The following AKAP13 variants were observed in gnomAD, a reference collection of about 807,000 sequenced individuals.
AKAP13 encodes A-kinase anchor protein 13.
Under a neutral mutation model 264.5 loss-of-function variants are expected in AKAP13, and 80 were observed. That is an observed-to-expected ratio of 0.30 (90% CI 0.25 to 0.36). The LOEUF (loss-of-function observed/expected upper bound fraction) is 0.36, where lower values mean the gene tolerates loss of function less well. AKAP13 is among the 10% of genes least tolerant of loss of function. The pLI is 1.00. For missense variants in AKAP13, 3,712 were observed against 3,435.2 expected (o/e 1.08, Z -2.01); for synonymous variants, 1,380 against 1,250.2 (o/e 1.10, Z -2.19).
At chr15:85,494,910 C>A (rs549262515) in intron 2 of AKAP13, among the ~76,000 whole-genome samples, 1 of 151,666 alleles carries the variant, frequency 6.6e-6, no homozygotes, top group East Asian at 1.9e-4. Flanking sequence ...GAGGAATATT[C>A]AAAAAGATAG....
At chr15:85,530,817 A>C (rs951499420) in intron 3 of AKAP13, among the ~76,000 whole-genome samples, 2 of 152,170 alleles carry the variant, frequency 1.3e-5, no homozygotes, top group Admixed American at 1.3e-4. Flanking sequence ...TTTGGAAATT[A>C]AGTGAGGCTA....
At chr15:85,735,171 A>C (rs778359192) in intron 31 of AKAP13, 21 bp downstream of exon 31, 42 of 1,609,482 alleles carry the variant, frequency 2.6e-5, no homozygotes, top group Non-Finnish European at 3.6e-5. Flanking sequence ...TGAAGTCATG[A>C]GCTTTTATAG....
At position 85,658,008 on chromosome 15, in the gene AKAP13, G is replaced by A. The variant is rs2083178741; in HGVS notation, c.4746-529G>A. On this transcript the variant is annotated intron_variant, in intron 11 of 36. Coordinates refer to ENST00000394518, the MANE Select transcript of AKAP13 (RefSeq NM_007200.5). The stretch of plus-strand genomic sequence containing the variant: ...TAAATGATTTGCCCAAAATTACATG[G>A]TGATCTCAGTTCAGTTCTAGACTGA... Among the ~76,000 whole-genome samples the A allele has an allele frequency of 1.3e-5, 2 of 152,098 alleles. 1 individual carries two copies. The highest frequency in any genetic ancestry group is 4.1e-4 in the South Asian group (2 of 4,824).
chr15:85,417,693 A>G lies in AKAP13; in HGVS notation c.-12+36895A>G, dbSNP rs376538371. On this transcript the variant is annotated intron_variant, in intron 1 of 36. Transcript: ENST00000394518. ...TTTTGCCATTTTCTGCTGTATTCCAACCATTACGTTCTAAGTGCTCATTTA... is the reference window on the plus strand; with the variant it reads ...TTTTGCCATTTTCTGCTGTATTCCAGCCATTACGTTCTAAGTGCTCATTTA... 2.4e-4 allele frequency among the ~76,000 whole-genome samples: 36 copies of G among 152,338 alleles called. No individual in the cohort carries two copies. The East Asian group carries it at 3.7e-3, about 15-fold the overall frequency.
chr15:85,443,844 G>A (rs1441847206), intron 1 of AKAP13, among the ~76,000 whole-genome samples: 1 of 151,848 alleles, frequency 6.6e-6, no homozygotes, highest in African/African-American at 2.4e-5. Flanking sequence ...TCATTTAGGA[G>A]GTATTTATGA....
chr15:85,490,920 C>A (rs865847837), intron 2 of AKAP13, among the ~76,000 whole-genome samples: 5 of 152,204 alleles, frequency 3.3e-5, no homozygotes, highest in Middle Eastern at 3.4e-3. Flanking sequence ...CTTGGGTGGT[C>A]AGGGAAGGCC....
intron 12 of AKAP13, among the ~76,000 whole-genome samples, chr15:85,662,696 C>A (rs1411747554): frequency 6.6e-6 from 1 of 152,184 alleles, no homozygotes; most frequent in East Asian, 1.9e-4. Flanking sequence ...GTTTTCTGCA[C>A]AGATTTATCT....
chr15:85,496,200 T>G (rs1024508675), intron 2 of AKAP13, among the ~76,000 whole-genome samples: 1 of 152,132 alleles, frequency 6.6e-6, no homozygotes, highest in Non-Finnish European at 1.5e-5. Flanking sequence ...CCTCCTTTTT[T>G]CCCTCAAAAG....
chr15:85,682,540 T>C (rs1412907995), intron 15 of AKAP13, among the ~76,000 whole-genome samples: 1 of 152,150 alleles, frequency 6.6e-6, no homozygotes, highest in Non-Finnish European at 1.5e-5. Flanking sequence ...CTAAACAACA[T>C]TTTGTTTCAT....
chr15:85,620,752 C>G (rs965407128), intron 8 of AKAP13, among the ~76,000 whole-genome samples: 1 of 152,156 alleles, frequency 6.6e-6, no homozygotes, highest in Non-Finnish European at 1.5e-5. Context: ...TCAGAGGTAG[C>G]TTCTGACTTT....
chr15:85,593,363 A>C (rs1431355148), intron 8 of AKAP13, among the ~76,000 whole-genome samples: 1 of 152,000 alleles, frequency 6.6e-6, no homozygotes, highest in Non-Finnish European at 1.5e-5. Context: ...AAAACTGAGG[A>C]TATCTTACAT....
At position 85,744,861 on chromosome 15, in the gene AKAP13, G is replaced by C; in HGVS notation, c.*184G>C. ...ATATTGAGTGTCGGGTGGGGAAGGA[G>C]GCCCAGACTCTGCTTCGGCCATGAT... On this transcript the variant is annotated 3_prime_UTR_variant, in exon 37 of 37. Transcript: ENST00000394518. 2 of 538,948 alleles carry C rather than the reference G, an allele frequency of 3.7e-6. No individual in the cohort carries two copies. The highest frequency in any genetic ancestry group is 6.4e-6 in the Non-Finnish European group (2 of 311,892). 33.4% of individuals were successfully genotyped at this position (538,948 alleles called of 1,614,324 possible). A position where few individuals can be genotyped will look rare whatever the true frequency, so the allele number is the denominator to read the frequency against.
At position 85,732,725 on chromosome 15, in the gene AKAP13, T is replaced by A. The variant is rs911490546; in HGVS notation, c.7282+2018T>A. Among the ~76,000 whole-genome samples the A allele has an allele frequency of 3.3e-5, 5 of 150,068 alleles. No individual in the cohort carries two copies. In the Admixed American group the frequency reaches 3.3e-4, roughly 10 times the overall value. On this transcript the variant is annotated intron_variant, in intron 30 of 36. Coordinates refer to ENST00000394518, the MANE Select transcript of AKAP13 (RefSeq NM_007200.5). ...CTGGCTTTATCCAACCTATTACTCA[T>A]AACTGTTAGTAATACTAATAGTATT...
In AKAP13 at chr15:85,585,805, A is replaced by C. The variant is rs1203746869; in HGVS notation, c.4143A>C (p.Gln1381His). The C allele has an allele frequency of 6.2e-7, 1 of 1,614,028 alleles. No homozygotes were observed. Among genetic ancestry groups the C allele is most frequent in the Non-Finnish European group, 8.5e-7 (1 of 1,180,002 alleles). The change falls in exon 8 of 37, where the codon CAA becomes CAC. Residue 1381 changes from glutamine to histidine, a missense_variant. Around this residue, in one of 3 missense-constraint regions of AKAP13, gnomAD observed 2,759 missense variants for 2,411.7 expected, o/e 1.14. Transcript: ENST00000394518. ...GSIAATLKMK[Q>H]GPMTQAINRE... ...TAGCTGCTACACTGAAGATGAAGCA[A>C]GGCCCAATGACCCAGGCGGTAAGTG...
At chr15:85,480,141 G>A (rs34470653) in intron 1 of AKAP13, among the ~76,000 whole-genome samples, 16,629 of 152,190 alleles carry the variant, frequency 0.11, 1,336 homozygotes, top group South Asian at 0.33. Flanking sequence ...GTAATCTCCA[G>A]AGATATGTAC....
intron 13 of AKAP13, among the ~76,000 whole-genome samples, chr15:85,666,236 T>C (rs2083590571): frequency 6.6e-6 from 1 of 152,240 alleles, no homozygotes; most frequent in African/African-American, 2.4e-5. Context: ...TGTGAGATGG[T>C]ATCTCATTGT....
intron 18 of AKAP13, 178 bp from the exon 19 acceptor site, chr15:85,710,401 G>A (rs2086574089): frequency 3.7e-6 from 2 of 543,598 alleles, no homozygotes; most frequent in Admixed American, 3.5e-5. Context: ...CGGCATTGGA[G>A]TACGTGGCAG....
At chr15:85,563,074 G>T (rs12905341) in intron 5 of AKAP13, among the ~76,000 whole-genome samples, 2 of 151,892 alleles carry the variant, frequency 1.3e-5, no homozygotes, top group Non-Finnish European at 2.9e-5. Flanking sequence ...ATTTGTCTTA[G>T]ATCAGACCAT....
At chr15:85,434,297 C>T (rs2073165458) in intron 1 of AKAP13, among the ~76,000 whole-genome samples, 1 of 152,196 alleles carries the variant, frequency 6.6e-6, no homozygotes, top group Admixed American at 6.5e-5. Flanking sequence ...AGATTATATC[C>T]CACACCTGGC....
Sources: allele counts gnomAD v4.1 joint callset (sites outside exome capture counted in the v4.1 genomes callset), GRCh38; gene constraint gnomAD v4.1.1; regional missense constraint gnomAD v4.1.1; transcripts MANE v1.5; gene names NCBI Gene and HGNC (gene_info 2026-07-23, HGNC 2026-07-21).